Variants in SEC24A observed in about 807,000 individuals in gnomAD.
SEC24A encodes protein transport protein Sec24A.
SEC24A carries 93 observed loss-of-function variants against 129.4 expected under a neutral mutation model. The ratio of observed to expected loss-of-function variants is 0.72; its 90% CI spans 0.61 to 0.85. The LOEUF (loss-of-function observed/expected upper bound fraction) is 0.85. Among genes scored for constraint, SEC24A ranks in the 40% least tolerant of loss-of-function variants. The pLI is 0.00. For missense variants in SEC24A, 1,264 were observed against 1,307.4 expected (o/e 0.97, Z 0.51); for synonymous variants, 460 against 467.3 (o/e 0.98, Z 0.20).
intron 16 of SEC24A, among the ~76,000 whole-genome samples, chr5:134,705,063 T>TA (rs1752111197): frequency 7.7e-6 from 1 of 130,208 alleles, no homozygotes; most frequent in Admixed American, 8.0e-5. Flanking sequence ...GTTATTTATA[T>TA]TTATATTTAT....
chr5:134,666,946 C>T lies in SEC24A; in HGVS notation c.689C>T (p.Ser230Leu), dbSNP rs1164635693. 4 of 1,612,108 alleles carry T rather than the reference C, an allele frequency of 2.5e-6. No homozygotes were observed. Among genetic ancestry groups the T allele is most frequent in the Non-Finnish European group, 3.4e-6 (4 of 1,179,506 alleles). The change falls in exon 3 of 23, where the codon TCA becomes TTA. Residue 230 changes from serine to leucine, a missense_variant. Physicochemically the swap from Ser to Leu is moderately radical, Grantham distance 145. Transcript: ENST00000398844. ...AGGGCCCTCACGCCCCTGACATCAT[C>T]ATATAGAGATGTACCCCAGCCCTTA... Reference protein sequence around the residue: ...PVRALTPLTSSYRDVPQPLFN... With the variant: ...PVRALTPLTSLYRDVPQPLFN...
At chr5:134,686,680 A>T in intron 9 of SEC24A, 110 bp from the exon 10 acceptor site, 1 of 575,754 alleles carries the variant, frequency 1.7e-6, no homozygotes. Flanking sequence ...TATAATCTCT[A>T]CTCAATCTGT....
In SEC24A at chr5:134,661,496, C is replaced by A; in HGVS notation, c.475C>A (p.Pro159Thr). 1 of 1,614,140 alleles carries A rather than the reference C, an allele frequency of 6.2e-7. No individual in the cohort carries two copies. Among genetic ancestry groups the A allele is most frequent in the South Asian group, 1.1e-5 (1 of 91,090 alleles). The change falls in exon 2 of 23, where the codon CCA (proline) becomes ACA (threonine). Residue 159 changes from proline to threonine, a missense_variant. By Grantham distance (38) the Pro-to-Thr change is conservative (BLOSUM62 -1). Transcript: ENST00000398844. Reference protein sequence around the residue: ...TNHCPRASSQPTVSGNTSLTT... With the variant: ...TNHCPRASSQTTVSGNTSLTT... Reference sequence around the variant, plus strand: ...CCATTGTCCTCGTGCATCATCCCAACCAACTGTATCTGGAAATACAAGTTT... The same window carrying A: ...CCATTGTCCTCGTGCATCATCCCAAACAACTGTATCTGGAAATACAAGTTT...
At chr5:134,670,016 T>G (rs1750802097) in intron 3 of SEC24A, among the ~76,000 whole-genome samples, 1 of 152,158 alleles carries the variant, frequency 6.6e-6, no homozygotes, top group Non-Finnish European at 1.5e-5. Context: ...AGCTTCCGCC[T>G]CCCAGGTTCA....
chr5:134,675,023 C>T (rs1469741556), intron 5 of SEC24A, 22 bp from the exon 6 acceptor site: 1 of 1,540,318 alleles, frequency 6.5e-7, no homozygotes, highest in Admixed American at 2.0e-5. Context: ...AAGTTACTTA[C>T]TTTAAAATTA....
At chr5:134,678,797 G>A (rs1322479671) in intron 7 of SEC24A, among the ~76,000 whole-genome samples, 2 of 152,184 alleles carry the variant, frequency 1.3e-5, no homozygotes, top group Non-Finnish European at 2.9e-5. Context: ...GGCCAGGCTG[G>A]TCTTGAACTC....
At chr5:134,681,931 C>T (rs1332244129) in intron 8 of SEC24A, among the ~76,000 whole-genome samples, 1 of 152,024 alleles carries the variant, frequency 6.6e-6, no homozygotes, top group African/African-American at 2.4e-5. Flanking sequence ...TGTTAATATC[C>T]TTGTATAATT....
At chr5:134,713,167 G>A (rs1336806031) in intron 18 of SEC24A, among the ~76,000 whole-genome samples, 2 of 152,022 alleles carry the variant, frequency 1.3e-5, no homozygotes, top group African/African-American at 4.8e-5. Context: ...TCCTGACCTT[G>A]TGATCCACCC....
At chr5:134,651,675 G>A (rs1750055882) in intron 1 of SEC24A, among the ~76,000 whole-genome samples, 1 of 151,750 alleles carries the variant, frequency 6.6e-6, no homozygotes, top group South Asian at 2.1e-4. Context: ...TGTTGCCTAG[G>A]CTGGTCTGAA....
intron 20 of SEC24A, among the ~76,000 whole-genome samples, chr5:134,719,471 TC>T: frequency 6.6e-6 from 1 of 151,638 alleles, no homozygotes; most frequent in South Asian, 2.1e-4. Context: ...GATGGCAGAT[TC>T]CTTTAGCCCA....
intron 3 of SEC24A, among the ~76,000 whole-genome samples, chr5:134,667,653 C>CAAAA (rs1203841096): frequency 2.4e-5 from 1 of 41,080 alleles, no homozygotes; most frequent in Non-Finnish European, 5.4e-5. Context: ...GACTCCGTCT[C>CAAAA]AAAAAAAAAA....
chr5:134,702,237 A>G (rs1443202146), intron 15 of SEC24A, among the ~76,000 whole-genome samples: 2 of 151,900 alleles, frequency 1.3e-5, no homozygotes, highest in South Asian at 2.1e-4. Flanking sequence ...CTTGCTTTCA[A>G]CTCTTGGGCT....
rs1363490881 is a variant in SEC24A at position 134,693,823 on chromosome 5, CTGA to C, written c.1879_1881del (p.Met627del). The C allele has an allele frequency of 1.9e-6, 3 of 1,614,148 alleles. No homozygotes were observed. The highest frequency in any genetic ancestry group is 2.5e-6 in the Non-Finnish European group (3 of 1,180,024). ...TCCTGCACTGCAGGCTGCCTTTAAG[CTGA>C]TGTCTCCAACTGGTGGTCGAATGTC... is the stretch of plus-strand genomic sequence containing the variant. On this transcript the variant is annotated inframe_deletion, in exon 13 of 23. Coordinates refer to ENST00000398844, the MANE Select transcript of SEC24A (RefSeq NM_021982.3).
chr5:134,718,001 G>A, intron 19 of SEC24A, 68 bp from the exon 20 acceptor site: 1 of 1,134,192 alleles, frequency 8.8e-7, no homozygotes, highest in East Asian at 2.4e-5. Context: ...TTAATTTTTT[G>A]TTGTTGTTTA....
intron 1 of SEC24A, among the ~76,000 whole-genome samples, chr5:134,651,761 G>T (rs921916070): frequency 1.3e-5 from 2 of 151,900 alleles, no homozygotes; most frequent in African/African-American, 4.8e-5. Flanking sequence ...ACCAAGCCTA[G>T]CCTGGGTTGT....
chr5:134,691,581 C>T (rs1215588412), intron 11 of SEC24A, among the ~76,000 whole-genome samples: 2 of 150,470 alleles, frequency 1.3e-5, no homozygotes, highest in African/African-American at 4.9e-5. Context: ...CGGCTCACTG[C>T]AACCTCCGCC....
At chr5:134,705,090 A>ATATATATATATTTTTT (rs1180461537) in intron 16 of SEC24A, among the ~76,000 whole-genome samples, 2 of 123,306 alleles carry the variant, frequency 1.6e-5, no homozygotes, top group African/African-American at 6.0e-5. Flanking sequence ...ATATATATAT[A>ATATATATATATTTTTT]TTTTTTTTTT....
intron 9 of SEC24A, among the ~76,000 whole-genome samples, chr5:134,686,150 C>T (rs972928811): frequency 1.1e-4 from 17 of 151,948 alleles, no homozygotes; most frequent in Admixed American, 2.0e-4. Context: ...ACAAAATATT[C>T]AGATTACCAA....
chr5:134,719,381 C>CAAAA, intron 20 of SEC24A, among the ~76,000 whole-genome samples: 1 of 61,482 alleles, frequency 1.6e-5, no homozygotes, highest in South Asian at 4.9e-4. Context: ...TACCTAGTCT[C>CAAAA]AAAAAAAAAA....
Sources: gnomAD v4.1 joint callset for allele counts (sites outside exome capture counted in the v4.1 genomes callset) on GRCh38, gnomAD v4.1.1 for gene constraint, MANE v1.5 for transcripts, NCBI Gene and HGNC (gene_info 2026-07-23, HGNC 2026-07-21) for gene names.